Variants in NUTM1 observed in about 807,000 individuals in gnomAD.
The protein encoded by NUTM1 is NUT midline carcinoma family member 1.
In NUTM1, 39 loss-of-function variants were observed where a neutral mutation model predicts 88.7. The observed-to-expected ratio is 0.44, with a 90% CI of 0.34 to 0.57. The LOEUF (loss-of-function observed/expected upper bound fraction) is 0.57. Ranked by LOEUF, NUTM1 falls within the 20% of genes least tolerant of loss-of-function variation. The pLI is 0.01. For synonymous variants in NUTM1, 494 were observed against 538.0 expected, an observed-to-expected ratio of 0.92 and a Z score of 1.13; for missense variants, 1,350 against 1,414.5, an observed-to-expected ratio of 0.95 and a Z score of 0.73.
chr15:34,354,483 C>G lies in NUTM1; in HGVS notation c.1113C>G (p.Ala371=). The stretch of plus-strand genomic sequence containing the variant: ...AGAAGGCAGCCTCCAAGACACGGGC[C>G]CCCCGCCGGCGTCAGCGTAAAGCCC... The part of the protein sequence containing the change: ...IPKKAASKTR[A]PRRRQRKAQR... The change falls in exon 6 of 8, where the codon GCC becomes GCG. Residue 371 remains alanine (A), a synonymous_variant. Transcript: ENST00000537011. 6.2e-7 allele frequency: 1 copy of G among 1,614,130 alleles called. No homozygotes were observed. The highest frequency in any genetic ancestry group is 1.1e-5 in the South Asian group (1 of 91,076).
rs775263884 is a variant in NUTM1 at position 34,355,704 on chromosome 15, G to C, written c.1696G>C (p.Gly566Arg). ...AGGAAAACGGGCAAGAGAAGTGCAT[G>C]GTGGGCAGGAGCAAGCCCTAGATAG... is the stretch of plus-strand genomic sequence containing the variant. The part of the protein sequence containing the change: ...SSGKRAREVH[G>R]GQEQALDSPR... The change falls in exon 8 of 8, where the codon GGT becomes CGT. Residue 566 changes from glycine (G) to arginine (R), a missense_variant. Physicochemically the swap from Gly to Arg is moderately radical, Grantham distance 125. This residue lies in a region of NUTM1 where 730 missense variants were observed against 728.8 expected (regional missense o/e 1.00). Transcript: ENST00000537011. The surrounding 1 kb of genome is among the most constrained non-coding windows in gnomAD (Gnocchi z 4.3). 1.6e-5 allele frequency: 26 copies of C among 1,610,570 alleles called. No homozygotes were observed. The South Asian group carries it at 1.9e-4, about 12-fold the overall frequency.
At chr15:34,354,389 G>A in intron 5 of NUTM1, 57 bp from the exon 6 acceptor site, 1 of 1,543,218 alleles carries the variant, frequency 6.5e-7, no homozygotes, top group African/African-American at 1.4e-5. Flanking sequence ...TTCCGAAGGA[G>A]GCAGAATCTG....
chr15:34,353,994 C>A, intron 5 of NUTM1, 122 bp downstream of exon 5: 1 of 1,135,658 alleles, frequency 8.8e-7, no homozygotes. Flanking sequence ...TGGAGAGTGG[C>A]ATTTGATATT....
chr15:34,354,996 C>A (rs369226226), intron 6 of NUTM1, 25 bp from the exon 7 acceptor site: 13 of 1,542,256 alleles, frequency 8.4e-6, no homozygotes, highest in Non-Finnish European at 4.5e-6. Flanking sequence ...TACAGACTTA[C>A]ATCGCTTTTC....
chr15:34,350,081 C>A (rs1890679011), intron 3 of NUTM1, among the ~76,000 whole-genome samples: 1 of 152,140 alleles, frequency 6.6e-6, no homozygotes, highest in Admixed American at 6.6e-5. Flanking sequence ...CCAATAATGT[C>A]TGAGGACTCC....
chr15:34,347,902 A>C, intron 2 of NUTM1, 67 bp from the exon 3 acceptor site: 1 of 775,476 alleles, frequency 1.3e-6, no homozygotes, highest in South Asian at 2.6e-5. Context: ...AAAAATGGGG[A>C]ATTCAGATGG....
At position 34,355,848 on chromosome 15, in the gene NUTM1, T is replaced by A; in HGVS notation, c.1840T>A (p.Ser614Thr). Residue 614 changes from serine (S) to threonine (T), a missense_variant, in exon 8 of 8, where the codon TCT (serine) becomes ACT (threonine). By Grantham distance (58) the Ser-to-Thr change is moderately conservative. This residue lies in a region of NUTM1 where 730 missense variants were observed against 728.8 expected (regional missense o/e 1.00). Transcript: ENST00000537011. The surrounding 1 kb of genome is among the most constrained non-coding windows in gnomAD (Gnocchi z 4.3). ...ACCCTTGGGTGTGGAGAGGAGAGGG[T>A]CTGGGAAGGTTATAAACCAGGTATC... ...PGPLGVERRG[S>T]GKVINQVSLH... The A allele has an allele frequency of 6.2e-7, 1 of 1,613,772 alleles. No individual in the cohort carries two copies. The highest frequency in any genetic ancestry group is 8.5e-7 in the Non-Finnish European group (1 of 1,179,956).
rs2140153395 is a variant in NUTM1 at position 34,348,113 on chromosome 15, T to A, written c.245T>A (p.Val82Glu). 6.2e-7 allele frequency: 1 copy of A among 1,614,142 alleles called. No individual in the cohort carries two copies. Among genetic ancestry groups the A allele is most frequent in the South Asian group, 1.1e-5 (1 of 91,074 alleles). The change falls in exon 3 of 8, where the codon GTA (valine) becomes GAA (glutamate). Residue 82 changes from valine to glutamate, a missense_variant. Physicochemically the swap from Val to Glu is moderately radical, Grantham distance 121. This residue lies in a region of NUTM1 where 399 missense variants were observed against 397.9 expected (regional missense o/e 1.00). Transcript: ENST00000537011. ...CCTCCACAGCCCATCATGCCTTCAG[T>A]ATTCTCTCCAGACAACCCTCTGATG... ...EPPPQPIMPS[V>E]FSPDNPLMLS...
chr15:34,343,423 G>T lies in NUTM1; in HGVS notation c.-274G>T. 1 of 642,770 alleles carries T rather than the reference G, an allele frequency of 1.6e-6. No homozygotes were observed. Among genetic ancestry groups the T allele is most frequent in the South Asian group, 2.0e-5 (1 of 50,336 alleles). 39.8% of individuals were successfully genotyped at this position (642,770 alleles called of 1,614,324 possible). The stretch of plus-strand genomic sequence containing the variant: ...CTCAAGATACACACCCATTTCAGGA[G>T]CAGTGAGTTTTCAATGCCTGAAGAA... On this transcript the variant is annotated 5_prime_UTR_variant, in exon 1 of 8. Coordinates refer to ENST00000537011, the MANE Select transcript of NUTM1 (RefSeq NM_001284292.2).
In NUTM1 at chr15:34,355,801, C is replaced by T. The variant is rs1339107098; in HGVS notation, c.1793C>T (p.Ala598Val). 2 of 1,614,094 alleles carry T rather than the reference C, an allele frequency of 1.2e-6. No homozygotes were observed. The highest frequency in any genetic ancestry group is 2.7e-5 in the African/African-American group (2 of 74,944). ...AGCTGGGACCTGCAGCCAGAACTTG[C>T]AGCTCCACAGGGAACTCCGGGACCC... ...PSSWDLQPEL[A>V]APQGTPGPLG... Residue 598 changes from alanine to valine, a missense_variant, in exon 8 of 8, where the codon GCA becomes GTA. Physicochemically the swap from Ala to Val is moderately conservative, Grantham distance 64 (BLOSUM62 0). Coordinates refer to ENST00000537011, the MANE Select transcript of NUTM1 (RefSeq NM_001284292.2). This position sits in a 1 kb window ranked among gnomAD's most constrained non-coding sequence, Gnocchi z 4.3.
At position 34,357,268 on chromosome 15, in the gene NUTM1, C is replaced by A. The variant is rs551535010; in HGVS notation, c.3260C>A (p.Ala1087Glu). The A allele has an allele frequency of 1.4e-4, 223 of 1,614,088 alleles. 1 individual carries two copies. In the South Asian group the frequency reaches 2.3e-3, roughly 16 times the overall value. The change falls in exon 8 of 8, where the codon GCA becomes GAA. Residue 1087 changes from alanine (A) to glutamate (E), a missense_variant. Physicochemically the swap from Ala to Glu is moderately radical, Grantham distance 107. Transcript: ENST00000537011. ...GCATCCCACCTGCTCCCTGCTGGAG[C>A]AAAAGGCCCCAGCAAACTTCCATAT... Reference protein sequence around the residue: ...QRASHLLPAGAKGPSKLPYPV... With the variant: ...QRASHLLPAGEKGPSKLPYPV...
chr15:34,345,367 G>A (rs753895766), intron 1 of NUTM1, among the ~76,000 whole-genome samples: 10 of 152,234 alleles, frequency 6.6e-5, no homozygotes, highest in Non-Finnish European at 7.3e-5. Context: ...AGGGTAAGGC[G>A]TCTGTGGAGT....
At position 34,357,085 on chromosome 15, in the gene NUTM1, A is replaced by G; in HGVS notation, c.3077A>G (p.Asp1026Gly). ...GTTAGTAAAACACACAGGTCAGCAG[A>G]CAGGGCCAAAGGAAAGGAGAAAAAG... is the stretch of plus-strand genomic sequence containing the variant. ...TSVSKTHRSADRAKGKEKKKK... is the reference protein window; with the variant it reads ...TSVSKTHRSAGRAKGKEKKKK... The change falls in exon 8 of 8, where the codon GAC becomes GGC. Residue 1026 changes from aspartate (D) to glycine (G), a missense_variant. Asp to Gly is a moderately conservative substitution (Grantham distance 94). This residue lies in a region of NUTM1 where 730 missense variants were observed against 728.8 expected (regional missense o/e 1.00). Coordinates refer to ENST00000537011, the MANE Select transcript of NUTM1 (RefSeq NM_001284292.2). 1.2e-6 allele frequency: 2 copies of G among 1,614,124 alleles called. No homozygotes were observed. The highest frequency in any genetic ancestry group is 1.1e-5 in the South Asian group (1 of 91,078).
At position 34,355,742 on chromosome 15, in the gene NUTM1, G is replaced by A; in HGVS notation, c.1734G>A (p.Met578Ile). 6.2e-7 allele frequency: 1 copy of A among 1,614,142 alleles called. No individual in the cohort carries two copies. The highest frequency in any genetic ancestry group is 1.6e-4 in the Middle Eastern group (1 of 6,062). Residue 578 changes from methionine (M) to isoleucine (I), a missense_variant, in exon 8 of 8, where the codon ATG becomes ATA. Met to Ile is a conservative substitution (Grantham distance 10). Around this residue, in one of 5 missense-constraint regions of NUTM1, gnomAD observed 730 missense variants for 728.8 expected, o/e 1.00. Transcript: ENST00000537011. This position sits in a 1 kb window ranked among gnomAD's most constrained non-coding sequence, Gnocchi z 4.3. The stretch of plus-strand genomic sequence containing the variant: ...AAGCCCTAGATAGCCCCAGAGGGAT[G>A]CACAGGGATGGGAACACTCTGCCAT... ...QEQALDSPRG[M>I]HRDGNTLPSP...
chr15:34,353,757 G>A lies in NUTM1; in HGVS notation c.960G>A (p.Glu320=). The A allele has an allele frequency of 1.2e-6, 2 of 1,614,162 alleles. No individual in the cohort carries two copies. The highest frequency in any genetic ancestry group is 1.7e-5 in the Admixed American group (1 of 60,028). The part of the protein sequence containing the change: ...MAERFMEFEA[E]EMQIQNTQLM... ...GCAGGTTCATGGAGTTTGAGGCTGA[G>A]GAGATGCAGATTCAGAACACACAGC... The change falls in exon 5 of 8, where the codon GAG becomes GAA. Residue 320 remains glutamate, a synonymous_variant. Coordinates refer to ENST00000537011, the MANE Select transcript of NUTM1 (RefSeq NM_001284292.2).
In NUTM1 at chr15:34,355,884, G is replaced by A. The variant is rs756627068; in HGVS notation, c.1876G>A (p.Asp626Asn). Residue 626 changes from aspartate to asparagine, a missense_variant, in exon 8 of 8, where the codon GAT becomes AAT. Transcript: ENST00000537011. The surrounding 1 kb of genome is among the most constrained non-coding windows in gnomAD (Gnocchi z 4.3). ...KVINQVSLHQ[D>N]GHLGGAGPPG... The stretch of plus-strand genomic sequence containing the variant: ...TATAAACCAGGTATCTCTACATCAG[G>A]ATGGCCATCTAGGAGGCGCTGGGCC... The A allele has an allele frequency of 2.5e-6, 4 of 1,613,898 alleles. No individual in the cohort carries two copies. In the South Asian group the frequency reaches 3.3e-5, roughly 13 times the overall value.
chr15:34,357,618 G>T lies in NUTM1; in HGVS notation c.*127G>T. On this transcript the variant is annotated 3_prime_UTR_variant, in exon 8 of 8. Transcript: ENST00000537011. ...AATCTCATCCCAATGTTGTTTTGTT[G>T]TTCTGCAAAAGTGGCAAGCATGGAG... The T allele has an allele frequency of 1.9e-6, 3 of 1,574,530 alleles. No homozygotes were observed. Among genetic ancestry groups the T allele is most frequent in the Non-Finnish European group, 1.7e-6 (2 of 1,157,076 alleles).
At chr15:34,347,846 C>G (rs1351546974) in intron 2 of NUTM1, 123 bp from the exon 3 acceptor site, 7 of 534,286 alleles carry the variant, frequency 1.3e-5, no homozygotes, top group Non-Finnish European at 1.8e-5. Context: ...GAGCGAGACT[C>G]CATCTCAAAA....
At chr15:34,354,344 C>G in intron 5 of NUTM1, 102 bp from the exon 6 acceptor site, 1 of 1,263,474 alleles carries the variant, frequency 7.9e-7, no homozygotes, top group Non-Finnish European at 1.1e-6. Context: ...TGTGCTACTT[C>G]CCATTCTCCT....
Sources: gnomAD v4.1 joint callset for allele counts (sites outside exome capture counted in the v4.1 genomes callset) on GRCh38, gnomAD v4.1.1 for gene constraint, gnomAD v4.1.1 regional missense constraint, Gnocchi (gnomAD v3.1) non-coding constraint, MANE v1.5 for transcripts, NCBI Gene and HGNC (gene_info 2026-07-23, HGNC 2026-07-21) for gene names.